Variants in PTPRG observed in about 807,000 individuals in gnomAD.
PTPRG encodes the protein receptor-type tyrosine-protein phosphatase gamma.
In PTPRG, 102 loss-of-function variants were observed where a neutral mutation model predicts 165.3. The ratio of observed to expected loss-of-function variants is 0.62; its 90% CI spans 0.53 to 0.73. The LOEUF (loss-of-function observed/expected upper bound fraction) is 0.73. Among genes scored for constraint, PTPRG ranks in the 30% least tolerant of loss-of-function variants. The pLI is 0.00. For synonymous variants in PTPRG, 675 were observed against 669.5 expected, an observed-to-expected ratio of 1.01 and a Z score of -0.13; for missense variants, 1,866 against 1,861.4, an observed-to-expected ratio of 1.00 and a Z score of -0.05.
intron 8 of PTPRG, among the ~76,000 whole-genome samples, chr3:62,185,803 G>A (rs1252108323): frequency 6.6e-6 from 1 of 152,210 alleles, no homozygotes; most frequent in African/African-American, 2.4e-5. Flanking sequence ...TATCCACAGT[G>A]TTCCCTCGTA....
intron 4 of PTPRG, among the ~76,000 whole-genome samples, chr3:62,067,204 A>G (rs13071331): frequency 1.7e-3 from 255 of 151,962 alleles, no homozygotes; most frequent in Non-Finnish European, 2.6e-3. Context: ...GGGGTGTAGG[A>G]CAGGGTTTCT....
chr3:61,822,628 AGT>A (rs2035987548), intron 2 of PTPRG, among the ~76,000 whole-genome samples: 1 of 152,238 alleles, frequency 6.6e-6, no homozygotes, highest in African/African-American at 2.4e-5. Context: ...CATCCTTTAG[AGT>A]GTTATATTTG....
rs1332498631 is a variant in PTPRG, at chr3:62,295,669, C to T, written c.*2362C>T. On this transcript the variant is annotated 3_prime_UTR_variant, in exon 30 of 30. Coordinates refer to ENST00000474889, the MANE Select transcript of PTPRG (RefSeq NM_002841.4). ...AGTTCCCTGTGAGCAATCTGTGTGT[C>T]TTCAGCGAGCTTGAACCAAAGTCTT... The T allele has an allele frequency of 6.6e-6, 1 of 152,070 alleles. No individual in the cohort carries two copies. Among genetic ancestry groups the T allele is most frequent in the Non-Finnish European group, 1.5e-5 (1 of 68,004 alleles). 9.4% of individuals were successfully genotyped at this position (152,070 alleles called of 1,614,324 possible).
At chr3:61,734,035 G>C (rs1002610826) in intron 1 of PTPRG, among the ~76,000 whole-genome samples, 5 of 152,132 alleles carry the variant, frequency 3.3e-5, no homozygotes, top group Admixed American at 3.3e-4. Context: ...GCCTGCCTCG[G>C]CTTTCCAAAG....
At position 62,195,720 on chromosome 3, in the gene PTPRG, C is replaced by T. The variant is rs1466824118; in HGVS notation, c.1327+550C>T. On this transcript the variant is annotated intron_variant, in intron 10 of 29. Transcript: ENST00000474889. This position sits in a 1 kb window ranked among gnomAD's most constrained non-coding sequence, Gnocchi z 4.4. The stretch of plus-strand genomic sequence containing the variant: ...TAGGGTGAAGCAAATGGGACATTTG[C>T]CTTTGCTCAAAATTTTAAGGGGCAC... 6.6e-6 allele frequency among the ~76,000 whole-genome samples: 1 copy of T among 152,076 alleles called. No homozygotes were observed. Among genetic ancestry groups the T allele is most frequent in the South Asian group, 2.1e-4 (1 of 4,820 alleles).
Position 62,005,696 on chromosome 3 carries a change from T to C in PTPRG, c.519+2199T>C, listed in dbSNP as rs2041281695. 1.6e-5 allele frequency among the ~76,000 whole-genome samples: 2 copies of C among 124,846 alleles called. 1 individual carries two copies. Among genetic ancestry groups the C allele is most frequent in the Non-Finnish European group, 3.4e-5 (2 of 59,452 alleles). The allele number at this position is 124,846 out of a possible 152,430, so 81.9% of individuals were successfully genotyped here. A position where few individuals can be genotyped will look rare whatever the true frequency, so the allele number is the denominator to read the frequency against. On this transcript the variant is annotated intron_variant, in intron 4 of 29. Coordinates refer to ENST00000474889, the MANE Select transcript of PTPRG (RefSeq NM_002841.4). ...TATCAAAGACATTAATATCCTTTTT[T>C]TTTTTTTTTTTTTTTTTTTTTTGAG...
chr3:62,234,475 C>T (rs1208105479), intron 14 of PTPRG, among the ~76,000 whole-genome samples: 2 of 152,012 alleles, frequency 1.3e-5, no homozygotes, highest in Non-Finnish European at 1.5e-5. Flanking sequence ...TTCCCTACAG[C>T]CAACCCAGCA....
chr3:61,945,679 A>G (rs9874660), intron 2 of PTPRG, among the ~76,000 whole-genome samples: 19,638 of 152,002 alleles, frequency 0.13, 1,692 homozygotes, highest in East Asian at 0.44. Context: ...CTGGGAGAGT[A>G]TAATAGCAGG....
intron 2 of PTPRG, among the ~76,000 whole-genome samples, chr3:61,881,201 C>G (rs923495144): frequency 3.3e-5 from 5 of 152,126 alleles, no homozygotes; most frequent in African/African-American, 4.8e-5. Context: ...CAGCCTTCTT[C>G]TTTCCCGATA....
chr3:62,212,785 T>A (rs1700394435), intron 12 of PTPRG, among the ~76,000 whole-genome samples: 1 of 152,202 alleles, frequency 6.6e-6, no homozygotes, highest in Non-Finnish European at 1.5e-5. Context: ...CTTGAACATT[T>A]CTAGTGGAAG....
chr3:61,920,637 G>A (rs1203382126), intron 2 of PTPRG, among the ~76,000 whole-genome samples: 3 of 152,064 alleles, frequency 2.0e-5, no homozygotes, highest in East Asian at 1.9e-4. Context: ...CTCTTGATCC[G>A]CCTGCCTTGG....
intron 2 of PTPRG, chr3:61,770,457 C>T (rs1027541852): frequency 1.3e-5 from 2 of 152,128 alleles, no homozygotes; most frequent in Non-Finnish European, 2.9e-5. Context: ...GCTGAATATA[C>T]ATACGTTGGT....
intron 8 of PTPRG, among the ~76,000 whole-genome samples, chr3:62,170,809 C>A (rs11927237): frequency 0.059 from 9,045 of 152,120 alleles, 851 homozygotes; most frequent in African/African-American, 0.2. Flanking sequence ...GCTACACGTA[C>A]ATAAAAGTGC....
At chr3:61,717,057 A>G (rs1469608817) in intron 1 of PTPRG, among the ~76,000 whole-genome samples, 2 of 152,208 alleles carry the variant, frequency 1.3e-5, no homozygotes, top group African/African-American at 4.8e-5. Flanking sequence ...AAACTCTAGT[A>G]GTATTTATTG....
chr3:62,199,816 A>G (rs559625072), intron 10 of PTPRG, among the ~76,000 whole-genome samples: 2 of 152,330 alleles, frequency 1.3e-5, no homozygotes, highest in Admixed American at 1.3e-4. Flanking sequence ...GTTGTTTAGC[A>G]TTATTTGCAA....
intron 5 of PTPRG, among the ~76,000 whole-genome samples, chr3:62,098,483 T>C (rs1480428256): frequency 6.6e-6 from 1 of 152,124 alleles, no homozygotes; most frequent in Non-Finnish European, 1.5e-5. Context: ...CTGTGGATAG[T>C]GGGGATAACT....
At position 61,827,481 on chromosome 3, in the gene PTPRG, A is replaced by C. The variant is rs368185546; in HGVS notation, c.190+78499A>C. On this transcript the variant is annotated intron_variant, in intron 2 of 29. Coordinates refer to ENST00000474889, the MANE Select transcript of PTPRG (RefSeq NM_002841.4). ...CAGCCTCACTCATGGATCCAAGGTCAGAAATCATCTCATGTCTTTCTGCCA... is the reference window on the plus strand; with the variant it reads ...CAGCCTCACTCATGGATCCAAGGTCCGAAATCATCTCATGTCTTTCTGCCA... Among the ~76,000 whole-genome samples, 65 of 152,310 alleles carry C rather than the reference A, an allele frequency of 4.3e-4. 1 individual carries two copies. The highest frequency in any genetic ancestry group is 1.5e-3 in the African/African-American group (61 of 41,564).
At position 62,218,000 on chromosome 3, in the gene PTPRG, G is replaced by C. The variant is rs1700552805; in HGVS notation, c.2156-851G>C. The C allele has an allele frequency of 6.6e-6, 1 of 152,318 alleles. No homozygotes were observed. The highest frequency in any genetic ancestry group is 1.5e-5 in the Non-Finnish European group (1 of 68,152). The allele number at this position is 152,318 out of a possible 1,614,324, so 9.4% of individuals were successfully genotyped here. On this transcript the variant is annotated intron_variant, in intron 12 of 29. Transcript: ENST00000474889. The surrounding 1 kb of genome is among the most constrained non-coding windows in gnomAD (Gnocchi z 4.3). ...GGTGTGGTATGGCTTCCTGTCTTGG[G>C]AAAGAAAATAGGAGCTTTTGGAAGG...
At chr3:62,143,211 A>G (rs143692363) in intron 6 of PTPRG, among the ~76,000 whole-genome samples, 60 of 152,366 alleles carry the variant, frequency 3.9e-4, no homozygotes, top group African/African-American at 1.3e-3. Context: ...CATTGTGACT[A>G]TCCTTGTGGT....
Sources: gnomAD v4.1 joint callset for allele counts (sites outside exome capture counted in the v4.1 genomes callset) on GRCh38, gnomAD v4.1.1 for gene constraint, Gnocchi (gnomAD v3.1) non-coding constraint, MANE v1.5 for transcripts, NCBI Gene and HGNC (gene_info 2026-07-23, HGNC 2026-07-21) for gene names.